CDH18: variants seen among roughly 807,000 people sequenced by gnomAD.
CDH18 encodes cadherin 18, also known as cadherin-18.
CDH18 carries 31 observed loss-of-function variants against 67.9 expected under a neutral mutation model. That is an observed-to-expected ratio of 0.46 (90% CI 0.34 to 0.62). CDH18 has a LOEUF of 0.62. CDH18 is among the 20% of genes least tolerant of loss of function. CDH18 has a pLI of 0.01. For synonymous variants in CDH18, 362 were observed against 347.2 expected, an observed-to-expected ratio of 1.04 and a Z score of -0.48; for missense variants, 890 against 975.5, an observed-to-expected ratio of 0.91 and a Z score of 1.17.
intron 1 of CDH18, among the ~76,000 whole-genome samples, chr5:20,484,090 C>A (rs1753002513): frequency 6.6e-6 from 1 of 151,754 alleles, no homozygotes; most frequent in Non-Finnish European, 1.5e-5. Context: ...AGGAACAAAT[C>A]TAAGAATCTG....
intron 2 of CDH18, among the ~76,000 whole-genome samples, chr5:20,117,061 G>A: frequency 6.6e-6 from 1 of 151,668 alleles, no homozygotes; most frequent in Non-Finnish European, 1.5e-5. Flanking sequence ...ATTTTTAAAT[G>A]ATTAGTTCCT....
intron 2 of CDH18, among the ~76,000 whole-genome samples, chr5:19,884,689 G>A (rs1310641964): frequency 6.6e-6 from 1 of 151,770 alleles, no homozygotes; most frequent in Non-Finnish European, 1.5e-5. Context: ...TAACAATCCT[G>A]TGTTTTTAAA....
intron 5 of CDH18, among the ~76,000 whole-genome samples, chr5:19,620,908 T>A (rs373425496): frequency 3.3e-5 from 5 of 152,246 alleles, no homozygotes; most frequent in South Asian, 4.1e-4. Context: ...ACTAACAAAT[T>A]TAGATAATTT....
At chr5:19,956,701 TTGA>T (rs1357758141) in intron 2 of CDH18, among the ~76,000 whole-genome samples, 3 of 151,960 alleles carry the variant, frequency 2.0e-5, no homozygotes, top group African/African-American at 7.2e-5. Flanking sequence ...CCAATTAGTA[TTGA>T]TAATACAGTA....
intron 8 of CDH18, among the ~76,000 whole-genome samples, chr5:19,568,858 G>C (rs1301808989): frequency 1.3e-5 from 2 of 152,156 alleles, no homozygotes; most frequent in Non-Finnish European, 2.9e-5. Context: ...ACTATCCCAA[G>C]ATGTAATAAC....
chr5:20,054,551 A>T (rs1741733038), intron 2 of CDH18, among the ~76,000 whole-genome samples: 1 of 152,086 alleles, frequency 6.6e-6, no homozygotes, highest in Admixed American at 6.6e-5. Context: ...CTACCAATTG[A>T]AGGTCTTTAG....
intron 1 of CDH18, among the ~76,000 whole-genome samples, chr5:20,365,514 T>C (rs1341014258): frequency 6.6e-6 from 1 of 152,220 alleles, no homozygotes; most frequent in East Asian, 1.9e-4. Flanking sequence ...CTCTCAGTGA[T>C]AAATATATCA....
chr5:19,607,362 AAAC>A (rs979073850), intron 6 of CDH18, among the ~76,000 whole-genome samples: 3 of 151,418 alleles, frequency 2.0e-5, no homozygotes, highest in African/African-American at 4.8e-5. Flanking sequence ...AAAATAGAAA[AAAC>A]AACAACAAAG....
intron 9 of CDH18, among the ~76,000 whole-genome samples, chr5:19,533,378 T>C (rs942326183): frequency 3.3e-5 from 5 of 151,668 alleles, no homozygotes; most frequent in Non-Finnish European, 7.4e-5. Context: ...GTCAAGAGTC[T>C]TGTTAGAATG....
chr5:20,220,084 G>A (rs1255261555), intron 2 of CDH18, among the ~76,000 whole-genome samples: 1 of 151,798 alleles, frequency 6.6e-6, no homozygotes, highest in African/African-American at 2.4e-5. Flanking sequence ...CAATCCCTAT[G>A]AAAATACTAA....
intron 2 of CDH18, among the ~76,000 whole-genome samples, chr5:20,157,372 G>A (rs571971426): frequency 3.9e-5 from 6 of 152,150 alleles, no homozygotes; most frequent in African/African-American, 1.4e-4. Context: ...GAATGCGAGT[G>A]GACTATGAAG....
At chr5:19,873,098 G>T (rs1354376308) in intron 2 of CDH18, among the ~76,000 whole-genome samples, 2 of 151,856 alleles carry the variant, frequency 1.3e-5, no homozygotes, top group African/African-American at 4.8e-5. Context: ...TACATGTTAT[G>T]GCTAGTTTTG....
chr5:19,758,489 C>T (rs1279320086), intron 3 of CDH18, among the ~76,000 whole-genome samples: 4 of 152,204 alleles, frequency 2.6e-5, no homozygotes, highest in Non-Finnish European at 5.9e-5. Context: ...GGTCATGTGG[C>T]TTAAGTGGCA....
intron 3 of CDH18, among the ~76,000 whole-genome samples, chr5:19,824,883 G>A (rs1022022591): frequency 2.1e-4 from 31 of 149,458 alleles, no homozygotes; most frequent in African/African-American, 6.4e-4. Context: ...CAACCAGTGG[G>A]TACAGTGGGT....
intron 11 of CDH18, among the ~76,000 whole-genome samples, chr5:19,499,360 T>C (rs1742854036): frequency 6.6e-6 from 1 of 152,160 alleles, no homozygotes; most frequent in African/African-American, 2.4e-5. Context: ...CAATTTTATG[T>C]AGTTCCTAGT....
intron 2 of CDH18, among the ~76,000 whole-genome samples, chr5:20,209,824 A>G (rs1235065846): frequency 6.6e-6 from 1 of 151,856 alleles, no homozygotes; most frequent in Non-Finnish European, 1.5e-5. Flanking sequence ...GTGATTTGAT[A>G]TTTACACATT....
At chr5:19,518,128 G>T (rs1746325937) in intron 10 of CDH18, among the ~76,000 whole-genome samples, 1 of 151,668 alleles carries the variant, frequency 6.6e-6, no homozygotes, top group African/African-American at 2.4e-5. Flanking sequence ...AGTATTTACT[G>T]GTTTTGAAAT....
chr5:20,161,339 G>C (rs562286838), intron 2 of CDH18, among the ~76,000 whole-genome samples: 27 of 152,220 alleles, frequency 1.8e-4, no homozygotes, highest in Admixed American at 5.2e-4. Context: ...AAGGTCTTTT[G>C]TACCATGGAA....
chr5:20,004,167 G>GATCCA (rs1377834120), intron 2 of CDH18, among the ~76,000 whole-genome samples: 1 of 152,062 alleles, frequency 6.6e-6, no homozygotes, highest in Non-Finnish European at 1.5e-5. Context: ...GCCACGACAT[G>GATCCA]GTCTGGATCT....
Sources: gnomAD v4.1 joint callset for allele counts (sites outside exome capture counted in the v4.1 genomes callset) on GRCh38, gnomAD v4.1.1 for gene constraint, MANE v1.5 for transcripts, NCBI Gene and HGNC (gene_info 2026-07-23, HGNC 2026-07-21) for gene names.